The following EXD2 variants were observed in gnomAD, a reference collection of about 807,000 sequenced individuals.
EXD2 encodes exonuclease 3'-5' domain-containing protein 2.
In EXD2, 40 loss-of-function variants were observed where a neutral mutation model predicts 62.5. The ratio of observed to expected loss-of-function variants is 0.64; its 90% CI spans 0.50 to 0.83. EXD2 has a LOEUF of 0.83. Ranked by LOEUF, EXD2 falls within the 40% of genes least tolerant of loss-of-function variation. The pLI, the probability that EXD2 is intolerant of heterozygous loss-of-function variation, is 0.00. For synonymous variants in EXD2, 239 were observed against 291.9 expected, an observed-to-expected ratio of 0.82 and a Z score of 1.85; for missense variants, 671 against 761.8, an observed-to-expected ratio of 0.88 and a Z score of 1.40.
At position 69,242,350 on chromosome 14, in the gene EXD2, T is replaced by TAAGC. The variant is rs556522592; in HGVS notation, c.*1252_*1255dup. ...CTAAAATTAATAATAAAACTACTTG[T>TAAGC]AAGCACAAGGCTCACTGGATGTAAA... On this transcript the variant is annotated 3_prime_UTR_variant, in exon 10 of 10. Coordinates refer to ENST00000685843, the MANE Select transcript of EXD2 (RefSeq NM_001193360.2). The TAAGC allele has an allele frequency of 1.2e-3, 297 of 245,494 alleles. 2 individuals are homozygous for TAAGC. Among genetic ancestry groups the TAAGC allele is most frequent in the African/African-American group, 5.9e-3 (265 of 44,694 alleles). The allele number at this position is 245,494 out of a possible 1,614,324, so 15.2% of individuals were successfully genotyped here.
At chr14:69,231,030 CCA>C (rs1215875520) in intron 5 of EXD2, among the ~76,000 whole-genome samples, 2 of 152,150 alleles carry the variant, frequency 1.3e-5, no homozygotes, top group Admixed American at 1.3e-4. Context: ...AGTGATCCAC[CCA>C]CCTCAACCTC....
intron 3 of EXD2, among the ~76,000 whole-genome samples, chr14:69,214,973 TTA>T (rs201943643): frequency 2.6e-5 from 4 of 151,038 alleles, no homozygotes; most frequent in African/African-American, 4.9e-5. Flanking sequence ...TGATGGACAT[TTA>T]TATATATATA....
intron 9 of EXD2, among the ~76,000 whole-genome samples, chr14:69,239,884 G>A (rs920179084): frequency 1.3e-5 from 2 of 152,224 alleles, no homozygotes; most frequent in African/African-American, 2.4e-5. Flanking sequence ...TTACAGGCAT[G>A]AGCCACCACG....
At position 69,229,013 on chromosome 14, in the gene EXD2, G is replaced by A. The variant is rs2043470364; in HGVS notation, c.531G>A (p.Gln177=). 1.2e-6 allele frequency: 2 copies of A among 1,614,214 alleles called. No individual in the cohort carries two copies. The highest frequency in any genetic ancestry group is 1.7e-6 in the Non-Finnish European group (2 of 1,180,038). Residue 177 remains glutamine, a synonymous_variant, in exon 4 of 10, where the codon CAG becomes CAA. Coordinates refer to ENST00000685843, the MANE Select transcript of EXD2 (RefSeq NM_001193360.2). The part of the protein sequence containing the change: ...GCSEDASKLL[Q]DYGLVVRGCL... ...CAGAAGATGCCAGCAAGCTTCTGCA[G>A]GATTATGGCCTCGTTGTTAGGGGGT...
chr14:69,233,565 G>A (rs1265015567), intron 5 of EXD2, among the ~76,000 whole-genome samples: 1 of 150,642 alleles, frequency 6.6e-6, no homozygotes, highest in Non-Finnish European at 1.5e-5. Context: ...TCAGCCTTCC[G>A]AGTAGATGGG....
At chr14:69,195,216 C>CA (rs78718494) in intron 1 of EXD2, among the ~76,000 whole-genome samples, 5,402 of 66,248 alleles carry the variant, frequency 0.082, 112 homozygotes, top group African/African-American at 0.15. Context: ...GACTCTGTCT[C>CA]AAAAAAAAAA....
At chr14:69,206,382 G>A (rs771394348) in intron 2 of EXD2, among the ~76,000 whole-genome samples, 29 of 150,052 alleles carry the variant, frequency 1.9e-4, no homozygotes, top group Admixed American at 6.6e-4. Flanking sequence ...CTGCCTCTGG[G>A]TTGCTGATAT....
At chr14:69,194,093 G>T (rs1327115897) in intron 1 of EXD2, among the ~76,000 whole-genome samples, 1 of 149,868 alleles carries the variant, frequency 6.7e-6, no homozygotes, top group Non-Finnish European at 1.5e-5. Flanking sequence ...AATTGTGTGT[G>T]TGTGATTGTT....
At chr14:69,211,840 A>G (rs1450732609) in intron 3 of EXD2, among the ~76,000 whole-genome samples, 5 of 152,212 alleles carry the variant, frequency 3.3e-5, no homozygotes, top group African/African-American at 1.2e-4. Context: ...GTGAATAGTA[A>G]TTGATCTGAT....
At chr14:69,199,746 G>A (rs142271465) in intron 1 of EXD2, among the ~76,000 whole-genome samples, 1 of 152,216 alleles carries the variant, frequency 6.6e-6, no homozygotes. Flanking sequence ...AAAGTCTTCA[G>A]GGGCAATAAC....
chr14:69,194,512 A>G (rs1277119367), intron 1 of EXD2, among the ~76,000 whole-genome samples: 1 of 151,324 alleles, frequency 6.6e-6, no homozygotes, highest in Non-Finnish European at 1.5e-5. Flanking sequence ...TTTCTTTTTA[A>G]TTTTTATTTG....
intron 5 of EXD2, 110 bp downstream of exon 5, chr14:69,230,708 T>A: frequency 8.0e-7 from 1 of 1,245,896 alleles, no homozygotes; most frequent in Non-Finnish European, 1.1e-6. Flanking sequence ...GGAGATGCCT[T>A]AAAATAGATT....
In EXD2 at chr14:69,194,231, C is replaced by T. The variant is rs567191624; in HGVS notation, c.-132+2640C>T. On this transcript the variant is annotated intron_variant, in intron 1 of 9. Coordinates refer to ENST00000685843, the MANE Select transcript of EXD2 (RefSeq NM_001193360.2). ...TCAGCTCACTGCAACCTCTGCCTCC[C>T]GAGTTCATGCCATTCTCCTGCCTCA... 5.9e-5 allele frequency among the ~76,000 whole-genome samples: 9 copies of T among 151,676 alleles called. No individual in the cohort carries two copies. In the South Asian group the frequency reaches 8.3e-4, roughly 14 times the overall value.
intron 3 of EXD2, chr14:69,214,030 T>G (rs929950679): frequency 3.3e-5 from 5 of 152,024 alleles, no homozygotes; most frequent in Admixed American, 3.3e-4. Context: ...AAAATGTCTG[T>G]ATTTTGATTT....
chr14:69,209,566 A>G lies in EXD2; in HGVS notation c.96A>G (p.Arg32=), dbSNP rs1566822080. 1 of 1,550,554 alleles carries G rather than the reference A, an allele frequency of 6.4e-7. No individual in the cohort carries two copies. Among genetic ancestry groups the G allele is most frequent in the Non-Finnish European group, 8.7e-7 (1 of 1,146,986 alleles). Residue 32 remains arginine (R), a synonymous_variant, in exon 3 of 10, where the codon CGA becomes CGG. Coordinates refer to ENST00000685843, the MANE Select transcript of EXD2 (RefSeq NM_001193360.2). Reference sequence around the variant, plus strand: ...TCTGGAAAGGCATCCAGCGCCGCCGAAGGAGTAAAACGAGTCCTGTGACCC... The same window carrying G: ...TCTGGAAAGGCATCCAGCGCCGCCGGAGGAGTAAAACGAGTCCTGTGACCC... ...FVLWKGIQRR[R]RSKTSPVTQQ... is the part of the protein sequence containing the mutation.
chr14:69,224,543 A>G (rs761498912), intron 3 of EXD2, among the ~76,000 whole-genome samples: 7 of 152,162 alleles, frequency 4.6e-5, no homozygotes, highest in Non-Finnish European at 8.8e-5. Context: ...CACCTGGACT[A>G]TTGCAAATCT....
chr14:69,235,058 A>T, intron 6 of EXD2, 27 bp downstream of exon 6: 2 of 1,539,984 alleles, frequency 1.3e-6, no homozygotes, highest in Non-Finnish European at 1.7e-6. Flanking sequence ...CTGTCTAGTA[A>T]AGAGTCAGTG....
chr14:69,200,520 T>A (rs987831315), intron 1 of EXD2, among the ~76,000 whole-genome samples: 6 of 147,160 alleles, frequency 4.1e-5, no homozygotes, highest in Admixed American at 1.4e-4. Context: ...CGGGCAACAT[T>A]GTGAAACCCC....
intron 9 of EXD2, among the ~76,000 whole-genome samples, chr14:69,240,166 A>AGT (rs1258154464): frequency 6.6e-6 from 1 of 152,066 alleles, no homozygotes; most frequent in Admixed American, 6.6e-5. Flanking sequence ...GGGAGAGGAG[A>AGT]GTGTGTGTGG....
Sources: allele counts gnomAD v4.1 joint callset (sites outside exome capture counted in the v4.1 genomes callset), GRCh38; gene constraint gnomAD v4.1.1; transcripts MANE v1.5; gene names NCBI Gene and HGNC (gene_info 2026-07-23, HGNC 2026-07-21).